The following TANGO2 variants were observed in gnomAD, a reference collection of about 807,000 sequenced individuals.
TANGO2 encodes the protein transport and Golgi organization protein 2 homolog.
In TANGO2, 26 loss-of-function variants were observed where a neutral mutation model predicts 39.1. The ratio of observed to expected loss-of-function variants is 0.67; its 90% CI spans 0.49 to 0.92. The LOEUF is 0.92. Ranked by LOEUF, TANGO2 falls within the 40% of genes least tolerant of loss-of-function variation. The pLI is 0.00. For missense variants in TANGO2, 326 were observed against 360.1 expected, an observed-to-expected ratio of 0.91 and a Z score of 0.77; for synonymous variants, 131 against 144.5, an observed-to-expected ratio of 0.91 and a Z score of 0.67.
chr22:20,050,583 C>T (rs1459444432), intron 3 of TANGO2, among the ~76,000 whole-genome samples: 3 of 150,688 alleles, frequency 2.0e-5, no homozygotes, highest in Admixed American at 6.6e-5. Flanking sequence ...AGGCTGGTCT[C>T]GAACTCCTGA....
At chr22:20,029,990 G>A (rs1042327220) in intron 1 of TANGO2, among the ~76,000 whole-genome samples, 12 of 152,010 alleles carry the variant, frequency 7.9e-5, no homozygotes, top group African/African-American at 2.7e-4. Context: ...ACATCCTTTC[G>A]TCCCTTGCTT....
Position 20,057,616 on chromosome 22 carries a change from A to G in TANGO2, c.451+1603A>G, listed in dbSNP as rs2047609777. Among the ~76,000 whole-genome samples the G allele has an allele frequency of 6.6e-6, 1 of 152,190 alleles. No individual in the cohort carries two copies. The highest frequency in any genetic ancestry group is 1.5e-5 in the Non-Finnish European group (1 of 68,020). ...ACCAGCGAGGCAGGGATGTGGCCCC[A>G]GAAGGTCCTGAGCTTGCAAAGGATT... On this transcript the variant is annotated intron_variant, in intron 6 of 8. Transcript: ENST00000327374. The surrounding 1 kb of genome is among the most constrained non-coding windows in gnomAD (Gnocchi z 4.1).
chr22:20,024,007 C>T (rs2040245297), intron 1 of TANGO2, among the ~76,000 whole-genome samples: 1 of 152,086 alleles, frequency 6.6e-6, no homozygotes, highest in South Asian at 2.1e-4. Context: ...CATAGTGAAA[C>T]CCCGTCCCTA....
intron 5 of TANGO2, chr22:20,054,434 C>T (rs747516369): frequency 3.1e-4 from 48 of 152,726 alleles, no homozygotes; most frequent in Non-Finnish European, 6.0e-4. Context: ...TGATTAGTCT[C>T]AGGAGAGTTC....
Position 20,043,657 on chromosome 22 carries a change from C to A in TANGO2, c.145+214C>A, listed in dbSNP as rs370032050. 3.3e-5 allele frequency among the ~76,000 whole-genome samples: 5 copies of A among 152,146 alleles called. No individual in the cohort carries two copies. The East Asian group carries it at 9.7e-4, about 29-fold the overall frequency. ...TGTCTGCGTGGCTTCCTGTGCCATG[C>A]GTCTGCATGGGGGCCCCATCATGTG... On this transcript the variant is annotated intron_variant, in intron 3 of 8. Transcript: ENST00000327374.
rs187289619 is a variant in TANGO2, at chr22:20,064,439, G to C, written c.711-103G>C. The stretch of plus-strand genomic sequence containing the variant: ...ACTTGGCACAGCCTCCAGGCATGGG[G>C]TTCCTAACTCTACCTGCCTGCATTC... On this transcript the variant is annotated intron_variant, in intron 8 of 8. Coordinates refer to ENST00000327374, the MANE Select transcript of TANGO2 (RefSeq NM_152906.7). 9.2e-3 allele frequency: 13,439 copies of C among 1,467,516 alleles called. 128 individuals carry two copies. The highest frequency in any genetic ancestry group is 0.033 in the South Asian group (2,663 of 79,792). 90.9% of individuals were successfully genotyped at this position (1,467,516 alleles called of 1,614,324 possible). A position where few individuals can be genotyped will look rare whatever the true frequency, so the allele number is the denominator to read the frequency against.
intron 3 of TANGO2, among the ~76,000 whole-genome samples, chr22:20,046,095 A>G (rs953455468): frequency 3.3e-5 from 5 of 151,718 alleles, no homozygotes; most frequent in African/African-American, 9.7e-5. Context: ...CTTTTGTGCC[A>G]CTGTCTTAGT....
intron 3 of TANGO2, among the ~76,000 whole-genome samples, chr22:20,050,065 G>T (rs895964531): frequency 6.6e-6 from 1 of 151,960 alleles, no homozygotes; most frequent in South Asian, 2.1e-4. Flanking sequence ...GAAAAAATTA[G>T]CTAGGTGTGG....
intron 1 of TANGO2, chr22:20,033,114 G>A (rs181925707): frequency 3.2e-4 from 151 of 472,744 alleles, no homozygotes; most frequent in African/African-American, 2.9e-3. Context: ...GTTGGGGGCC[G>A]GTGGGCAGTG....
chr22:20,036,850 T>C lies in TANGO2; in HGVS notation c.52T>C (p.Tyr18His), dbSNP rs2042938429. ...FDPRPVSKNA[Y>H]RLILAANRDE... is the part of the protein sequence containing the mutation. Reference sequence around the variant, plus strand: ...TCCTCGCCCTGTTTCCAAAAACGCGTACAGGTAACCCCCTCGCTCTGCATC... The same window carrying C: ...TCCTCGCCCTGTTTCCAAAAACGCGCACAGGTAACCCCCTCGCTCTGCATC... The change falls in exon 2 of 9, where the codon TAC becomes CAC. Residue 18 changes from tyrosine (Y) to histidine (H), a missense_variant. Tyr to His is a moderately conservative substitution (Grantham distance 83, BLOSUM62 2). Coordinates refer to ENST00000327374, the MANE Select transcript of TANGO2 (RefSeq NM_152906.7). 1 of 1,614,118 alleles carries C rather than the reference T, an allele frequency of 6.2e-7. No individual in the cohort carries two copies. Among genetic ancestry groups the C allele is most frequent in the African/African-American group, 1.3e-5 (1 of 74,938 alleles).
rs75786831 is a variant in TANGO2, at chr22:20,062,702, G to A, written c.606-636G>A. On this transcript the variant is annotated intron_variant, in intron 7 of 8. Transcript: ENST00000327374. ...CTGGCTTGAGTGGACTTCTGTCACA[G>A]AGGCAAATGCCCACAGGGCACCTCT... is the stretch of plus-strand genomic sequence containing the variant. 1.9e-4 allele frequency among the ~76,000 whole-genome samples: 28 copies of A among 147,602 alleles called. No individual in the cohort carries two copies. In the East Asian group the frequency reaches 4.2e-3, roughly 22 times the overall value.
intron 1 of TANGO2, among the ~76,000 whole-genome samples, chr22:20,022,698 G>A (rs185813784): frequency 5.2e-4 from 79 of 152,376 alleles, no homozygotes; most frequent in Admixed American, 4.0e-3. Flanking sequence ...CGGCTTCTGC[G>A]CCAGACGGCG....
intron 3 of TANGO2, among the ~76,000 whole-genome samples, chr22:20,049,706 G>A (rs921388597): frequency 1.3e-5 from 2 of 151,538 alleles, no homozygotes; most frequent in African/African-American, 4.8e-5. Flanking sequence ...ATGTGGGTCT[G>A]CCTTCTTTTT....
rs2048410357 is a variant in TANGO2 at position 20,061,677 on chromosome 22, A to G, written c.599A>G (p.Glu200Gly). 1.3e-6 allele frequency: 2 copies of G among 1,549,774 alleles called. No homozygotes were observed. The highest frequency in any genetic ancestry group is 8.7e-7 in the Non-Finnish European group (1 of 1,146,398). ...AGCCTCCTGGATGTGCTCAACAATGAAGAGGCGTGAGTGGGCGGGTCCTGC... is the reference window on the plus strand; with the variant it reads ...AGCCTCCTGGATGTGCTCAACAATGGAGAGGCGTGAGTGGGCGGGTCCTGC... ...IASLLDVLNN[E>G]EAQLPDPAIE... is the part of the protein sequence containing the mutation. The change falls in exon 7 of 9, where the codon GAA (glutamate) becomes GGA (glycine). Residue 200 changes from glutamate (E) to glycine (G), a missense_variant. Coordinates refer to ENST00000327374, the MANE Select transcript of TANGO2 (RefSeq NM_152906.7).
chr22:20,038,477 C>T (rs2043270144), intron 2 of TANGO2, among the ~76,000 whole-genome samples: 1 of 152,080 alleles, frequency 6.6e-6, no homozygotes, highest in South Asian at 2.1e-4. Flanking sequence ...CCTGCGGGTG[C>T]TGGTCAGTGC....
At chr22:20,021,967 G>A (rs982598916) in intron 1 of TANGO2, among the ~76,000 whole-genome samples, 2 of 152,228 alleles carry the variant, frequency 1.3e-5, no homozygotes, top group African/African-American at 4.8e-5. Flanking sequence ...CACATGCCCT[G>A]CCCTGGCCAG....
intron 7 of TANGO2, 147 bp from the exon 8 acceptor site, chr22:20,063,191 G>A (rs955299746): frequency 4.9e-6 from 3 of 617,762 alleles, no homozygotes; most frequent in Non-Finnish European, 8.6e-6. Context: ...GAAGAGAAGA[G>A]GAAAAAGAAA....
chr22:20,044,154 A>C (rs2044601966), intron 3 of TANGO2, among the ~76,000 whole-genome samples: 1 of 152,158 alleles, frequency 6.6e-6, no homozygotes, highest in African/African-American at 2.4e-5. Flanking sequence ...GCATCCTGGC[A>C]TGCTCCAGGG....
chr22:20,044,473 C>T (rs565594138), intron 3 of TANGO2, among the ~76,000 whole-genome samples: 4 of 152,348 alleles, frequency 2.6e-5, no homozygotes, highest in Admixed American at 2.6e-4. Flanking sequence ...TTTCAGTGAG[C>T]TGAGATTGTG....
Sources: gnomAD v4.1 joint callset for allele counts (sites outside exome capture counted in the v4.1 genomes callset) on GRCh38, gnomAD v4.1.1 for gene constraint, Gnocchi (gnomAD v3.1) non-coding constraint, MANE v1.5 for transcripts, NCBI Gene and HGNC (gene_info 2026-07-23, HGNC 2026-07-21) for gene names.